Variants in TET3 observed in about 807,000 individuals in gnomAD.
TET3 encodes tet methylcytosine dioxygenase 3, also known as methylcytosine dioxygenase TET3.
In TET3, 19 loss-of-function variants were observed where a neutral mutation model predicts 141.4. That is an observed-to-expected ratio of 0.13 (90% confidence interval 0.09 to 0.20). The LOEUF (loss-of-function observed/expected upper bound fraction) is 0.20. TET3 is among the 10% of genes least tolerant of loss of function. The probability of loss-of-function intolerance (pLI) is 1.00; values close to 1 mark genes in which losing one functional copy is unlikely to be tolerated. For missense variants in TET3, 1,874 were observed against 2,356.9 expected (o/e 0.80, Z 4.24); for synonymous variants, 1,043 against 980.9 (o/e 1.06, Z -1.18).
chr2:74,010,903 A>C (rs1459426397), intron 3 of TET3, among the ~76,000 whole-genome samples: 2 of 152,226 alleles, frequency 1.3e-5, no homozygotes, highest in Non-Finnish European at 2.9e-5. Context: ...AAACTATAGC[A>C]AATGATAGAA....
At chr2:74,065,555 GTTTTTTT>G (rs67114907) in intron 4 of TET3, among the ~76,000 whole-genome samples, 35 of 125,658 alleles carry the variant, frequency 2.8e-4, no homozygotes, top group African/African-American at 7.7e-4. Context: ...TCTTTTTTTT[GTTTTTTT>G]TTTTTTTGGC....
chr2:74,078,523 A>AT (rs566558858), intron 5 of TET3, among the ~76,000 whole-genome samples: 1 of 152,210 alleles, frequency 6.6e-6, no homozygotes, highest in East Asian at 1.9e-4. Flanking sequence ...GAAAATTGAT[A>AT]TTTTTTGTGA....
intron 4 of TET3, among the ~76,000 whole-genome samples, chr2:74,072,220 A>G (rs1573853217): frequency 6.6e-6 from 1 of 152,204 alleles, no homozygotes; most frequent in Non-Finnish European, 1.5e-5. Context: ...GCTTCTTAAC[A>G]AAATGTTTTT....
chr2:74,105,331 C>T lies in TET3; in HGVS notation c.*3155C>T. 2 of 398,582 alleles carry T rather than the reference C, an allele frequency of 5.0e-6. No individual in the cohort carries two copies. Among genetic ancestry groups the T allele is most frequent in the Non-Finnish European group, 4.4e-6 (1 of 226,076 alleles). The allele number at this position is 398,582 out of a possible 1,614,324, so 24.7% of individuals were successfully genotyped here. ...CCTTTTCTGCTCTGTTTTGTTTTCC[C>T]TGCCTGTTGCGTGCAAGGGAAGTGC... On this transcript the variant is annotated 3_prime_UTR_variant, in exon 12 of 12. Coordinates refer to ENST00000409262, the MANE Select transcript of TET3 (RefSeq NM_001287491.2).
At chr2:74,032,440 GGGGTGTGTCTCTGTGTGTGTGT>G (rs1248314067) in intron 3 of TET3, among the ~76,000 whole-genome samples, 27 of 138,620 alleles carry the variant, frequency 1.9e-4, no homozygotes, top group African/African-American at 8.2e-4. Context: ...GGCTGCAAGA[GGGGTGTGTCTCTGTGTGTGTGT>G]GTGTGTGTGT....
rs186482317 is a variant in TET3, at chr2:74,088,566, G to A, written c.2888+528G>A. Among the ~76,000 whole-genome samples the A allele has an allele frequency of 1.6e-3, 247 of 152,184 alleles. 2 individuals carry two copies. The highest frequency in any genetic ancestry group is 2.8e-3 in the Non-Finnish European group (191 of 67,998). ...TGAGACAGAAGAATCGCTTGAACTC[G>A]GGCGGCGGAAGTTGCAGTGAGCTGA... is the stretch of plus-strand genomic sequence containing the variant. On this transcript the variant is annotated intron_variant, in intron 7 of 11. Transcript: ENST00000409262.
At chr2:74,116,274 T>C in the TET3 span, among the ~76,000 whole-genome samples, 2 of 152,130 alleles carry the variant, frequency 1.3e-5, no homozygotes, top group Non-Finnish European at 2.9e-5. Context: ...TAAACCTAGT[T>C]CAGCCACTAT....
chr2:74,112,858 G>A (rs1182972900), downstream of TET3, among the ~76,000 whole-genome samples: 1 of 151,392 alleles, frequency 6.6e-6, no homozygotes, highest in Non-Finnish European at 1.5e-5. Context: ...AAAATTAGCT[G>A]GGCAAGGTGG....
chr2:74,030,483 AT>A (rs544096992), intron 3 of TET3, among the ~76,000 whole-genome samples: 1 of 152,076 alleles, frequency 6.6e-6, no homozygotes, highest in Non-Finnish European at 1.5e-5. Context: ...GTGTGGAAAG[AT>A]TTTTTTTAAT....
Position 74,101,232 on chromosome 2 carries a change from C to T in TET3, c.4444C>T (p.Pro1482Ser), listed in dbSNP as rs1691191511. The stretch of plus-strand genomic sequence containing the variant: ...TTCCTTTGGGGCCAGCTGCCTGGCC[C>T]CTTCCCACTTCACAGATGGCCAGTG... Reference protein sequence around the residue: ...LSSFGASCLAPSHFTDGQWGL... With the variant: ...LSSFGASCLASSHFTDGQWGL... The change falls in exon 12 of 12, where the codon CCT becomes TCT. Residue 1482 changes from proline (P) to serine (S), a missense_variant. Coordinates refer to ENST00000409262, the MANE Select transcript of TET3 (RefSeq NM_001287491.2). This position sits in a 1 kb window ranked among gnomAD's most constrained non-coding sequence, Gnocchi z 8.5. 1 of 1,612,816 alleles carries T rather than the reference C, an allele frequency of 6.2e-7. No homozygotes were observed. Among genetic ancestry groups the T allele is most frequent in the Non-Finnish European group, 8.5e-7 (1 of 1,179,452 alleles).
At chr2:74,086,827 T>C (rs1057432922) in intron 6 of TET3, among the ~76,000 whole-genome samples, 1 of 139,700 alleles carries the variant, frequency 7.2e-6, no homozygotes, top group African/African-American at 2.7e-5. Flanking sequence ...TGTGTAGAAA[T>C]AAAATCTAAC....
the TET3 span, among the ~76,000 whole-genome samples, chr2:74,120,480 G>C: frequency 6.6e-6 from 1 of 152,222 alleles, no homozygotes; most frequent in East Asian, 1.9e-4. Flanking sequence ...CGCTGGAGTC[G>C]CGAATGGCCG....
In TET3 at chr2:74,047,230, G is replaced by A; in HGVS notation, c.1313G>A (p.Gly438Asp). 1 of 1,613,988 alleles carries A rather than the reference G, an allele frequency of 6.2e-7. No homozygotes were observed. The highest frequency in any genetic ancestry group is 8.5e-7 in the Non-Finnish European group (1 of 1,179,892). Residue 438 changes from glycine (G) to aspartate (D), a missense_variant, in exon 4 of 12, where the codon GGC becomes GAC. Physicochemically the swap from Gly to Asp is moderately conservative, Grantham distance 94. This residue lies in a region of TET3 where 484 missense variants were observed against 462.2 expected (regional missense o/e 1.05). Coordinates refer to ENST00000409262, the MANE Select transcript of TET3 (RefSeq NM_001287491.2). ...AGAACTGAGTTCCCTGAAGCCTGGG[G>A]CACTGACACCCCTCCAGCAACGCCC... ...TPRTEFPEAW[G>D]TDTPPATPRS...
At chr2:74,041,368 T>A (rs1396431678) in intron 3 of TET3, among the ~76,000 whole-genome samples, 2 of 152,172 alleles carry the variant, frequency 1.3e-5, no homozygotes, top group Non-Finnish European at 2.9e-5. Flanking sequence ...TTTTGAACCC[T>A]CATGCTCGCC....
chr2:74,057,938 T>C (rs898634332), intron 4 of TET3, among the ~76,000 whole-genome samples: 1 of 152,186 alleles, frequency 6.6e-6, no homozygotes, highest in Non-Finnish European at 1.5e-5. Flanking sequence ...AAACAAATAC[T>C]TAAGCTAAAA....
chr2:74,110,404 G>T (rs1027209427), downstream of TET3, among the ~76,000 whole-genome samples: 1 of 152,142 alleles, frequency 6.6e-6, no homozygotes, highest in Non-Finnish European at 1.5e-5. Context: ...AGCTTGGAGA[G>T]CTGTTAGTCA....
intron 11 of TET3, 88 bp from the exon 12 acceptor site, chr2:74,100,301 AGAGG>A: frequency 7.6e-7 from 1 of 1,316,394 alleles, no homozygotes; most frequent in Non-Finnish European, 1.0e-6. Flanking sequence ...TCCCTGGGAA[AGAGG>A]GAGGGTCCAT....
chr2:73,993,089 A>G (rs1684415796), intron 2 of TET3: 1 of 152,214 alleles, frequency 6.6e-6, no homozygotes, highest in African/African-American at 2.4e-5. Flanking sequence ...AAACGTAGCA[A>G]AACATGGTGC....
At chr2:74,122,507 A>T in the TET3 span, 40 of 65,134 alleles carry the variant, frequency 6.1e-4, no homozygotes, top group African/African-American at 2.1e-3. Flanking sequence ...ATATATATAT[A>T]TATATTTTTT....
Sources: allele counts gnomAD v4.1 joint callset (sites outside exome capture counted in the v4.1 genomes callset), GRCh38; gene constraint gnomAD v4.1.1; regional missense constraint gnomAD v4.1.1; non-coding constraint Gnocchi (gnomAD v3.1); transcripts MANE v1.5; gene names NCBI Gene and HGNC (gene_info 2026-07-23, HGNC 2026-07-21).